Variants in ANKS1B observed in about 807,000 individuals in gnomAD.
ANKS1B encodes the protein ankyrin repeat and sterile alpha motif domain containing 1B, also known as ankyrin repeat and sterile alpha motif domain-containing protein 1B.
A neutral mutation model predicts 148.3 loss-of-function variants in ANKS1B; 36 were observed. The observed-to-expected ratio is 0.24, with a 90% CI of 0.19 to 0.32. The LOEUF is 0.32. ANKS1B is among the 10% of genes least tolerant of loss of function. The probability of loss-of-function intolerance (pLI) is 1.00; values close to 1 mark genes in which losing one functional copy is unlikely to be tolerated. For synonymous variants in ANKS1B, 542 were observed against 560.8 expected, an observed-to-expected ratio of 0.97 and a Z score of 0.47; for missense variants, 1,157 against 1,542.6, an observed-to-expected ratio of 0.75 and a Z score of 4.19.
intron 9 of ANKS1B, chr12:99,649,719 A>T: frequency 4.0e-6 from 1 of 252,740 alleles, no homozygotes; most frequent in Non-Finnish European, 7.7e-6. Context: ...GCATATCAGT[A>T]AGTGCTACTG....
intron 17 of ANKS1B, among the ~76,000 whole-genome samples, chr12:99,008,057 A>G (rs908731354): frequency 7.9e-5 from 12 of 151,858 alleles, no homozygotes; most frequent in Non-Finnish European, 1.6e-4. Flanking sequence ...AGGAGTGCTG[A>G]TATAGCAGGA....
intron 8 of ANKS1B, among the ~76,000 whole-genome samples, chr12:99,762,238 A>G (rs2062195567): frequency 6.6e-6 from 1 of 152,126 alleles, no homozygotes; most frequent in Non-Finnish European, 1.5e-5. Context: ...TCGAATAGCC[A>G]AAGTAATCCT....
chr12:99,678,206 T>TAA, intron 8 of ANKS1B, among the ~76,000 whole-genome samples: 1 of 152,284 alleles, frequency 6.6e-6, no homozygotes, highest in Admixed American at 6.5e-5. Flanking sequence ...CACAGAGCCC[T>TAA]AAGACTATAG....
At chr12:99,146,739 C>T (rs746664205) in intron 15 of ANKS1B, among the ~76,000 whole-genome samples, 20 of 152,076 alleles carry the variant, frequency 1.3e-4, no homozygotes, top group Non-Finnish European at 2.4e-4. Flanking sequence ...TCTTTCTTTT[C>T]TTCCTGTCCT....
intron 24 of ANKS1B, among the ~76,000 whole-genome samples, chr12:98,777,010 G>A (rs1460231084): frequency 6.6e-6 from 1 of 152,196 alleles, no homozygotes; most frequent in African/African-American, 2.4e-5. Context: ...AGGCAATATA[G>A]CGAGATCCCA....
chr12:99,366,921 G>T (rs772449507), intron 12 of ANKS1B, among the ~76,000 whole-genome samples: 2 of 152,042 alleles, frequency 1.3e-5, no homozygotes, highest in South Asian at 4.2e-4. Context: ...TGAAAATATT[G>T]CAACTTATAT....
intron 9 of ANKS1B, among the ~76,000 whole-genome samples, chr12:99,560,788 T>C (rs2097325568): frequency 6.6e-6 from 1 of 151,838 alleles, no homozygotes; most frequent in African/African-American, 2.4e-5. Context: ...CTGACTATTC[T>C]GGGTGGTGGT....
At chr12:99,672,095 A>G (rs2098540910) in intron 8 of ANKS1B, among the ~76,000 whole-genome samples, 1 of 152,114 alleles carries the variant, frequency 6.6e-6, no homozygotes, top group Non-Finnish European at 1.5e-5. Context: ...CCATCTTGTC[A>G]GCATTTAATT....
chr12:99,324,315 G>A (rs575488831), intron 12 of ANKS1B, among the ~76,000 whole-genome samples: 1 of 152,190 alleles, frequency 6.6e-6, no homozygotes, highest in African/African-American at 2.4e-5. Flanking sequence ...GGGAAATTGT[G>A]GCACAGAGAA....
intron 1 of ANKS1B, among the ~76,000 whole-genome samples, chr12:99,833,736 A>T (rs1473902259): frequency 6.6e-6 from 1 of 152,228 alleles, no homozygotes; most frequent in Non-Finnish European, 1.5e-5. Flanking sequence ...TCTGCATGTT[A>T]TTAGACCTTA....
chr12:98,876,396 G>A (rs1000331580), intron 17 of ANKS1B, among the ~76,000 whole-genome samples: 7 of 152,136 alleles, frequency 4.6e-5, no homozygotes, highest in African/African-American at 1.7e-4. Context: ...ACCTTTCTAG[G>A]TAGAGCTGAG....
At chr12:98,893,186 C>A (rs2099756308) in intron 17 of ANKS1B, among the ~76,000 whole-genome samples, 1 of 152,142 alleles carries the variant, frequency 6.6e-6, no homozygotes, top group Non-Finnish European at 1.5e-5. Context: ...TATCTGAGTC[C>A]AAGAGAATCA....
intron 1 of ANKS1B, among the ~76,000 whole-genome samples, chr12:99,980,815 A>G (rs2095690495): frequency 2.0e-5 from 3 of 152,174 alleles, no homozygotes; most frequent in Non-Finnish European, 4.4e-5. Context: ...TGACCCATAC[A>G]GCCAATCTAC....
intron 14 of ANKS1B, among the ~76,000 whole-genome samples, chr12:99,217,055 C>G (rs1480632520): frequency 6.6e-6 from 1 of 152,206 alleles, no homozygotes; most frequent in Admixed American, 6.5e-5. Flanking sequence ...ACAAAAATAA[C>G]ATGGGCCCTG....
At chr12:99,658,209 A>G (rs1262948177) in intron 8 of ANKS1B, among the ~76,000 whole-genome samples, 2 of 152,098 alleles carry the variant, frequency 1.3e-5, no homozygotes, top group African/African-American at 4.8e-5. Flanking sequence ...CAAGTTCCAA[A>G]TACCCGCCTC....
At chr12:99,249,276 C>T (rs1433329183) in intron 12 of ANKS1B, among the ~76,000 whole-genome samples, 2 of 152,042 alleles carry the variant, frequency 1.3e-5, no homozygotes, top group South Asian at 2.1e-4. Flanking sequence ...GAGTTTCCGA[C>T]GATGTTCATT....
At chr12:99,398,330 G>A (rs1360794313) in intron 12 of ANKS1B, among the ~76,000 whole-genome samples, 2 of 151,964 alleles carry the variant, frequency 1.3e-5, no homozygotes, top group Non-Finnish European at 1.5e-5. Flanking sequence ...CATAGAGTCC[G>A]ATTAAAGGAC....
chr12:99,320,895 C>T (rs1008317631), intron 12 of ANKS1B, among the ~76,000 whole-genome samples: 1 of 152,096 alleles, frequency 6.6e-6, no homozygotes. Flanking sequence ...GATGTCCTTT[C>T]TGTTTGTTAG....
chr12:99,143,194 C>G (rs1183889769), intron 15 of ANKS1B, among the ~76,000 whole-genome samples: 1 of 152,068 alleles, frequency 6.6e-6, no homozygotes, highest in Non-Finnish European at 1.5e-5. Context: ...TTTGCTCCTT[C>G]TAAGAGAAGG....
Sources: allele counts gnomAD v4.1 joint callset (sites outside exome capture counted in the v4.1 genomes callset), GRCh38; gene constraint gnomAD v4.1.1; transcripts MANE v1.5; gene names NCBI Gene and HGNC (gene_info 2026-07-23, HGNC 2026-07-21).